Variants in KCTD8 observed in about 807,000 individuals in gnomAD.
KCTD8 encodes potassium channel tetramerization domain containing 8, also known as BTB/POZ domain-containing protein KCTD8.
Under a neutral mutation model 31.5 loss-of-function variants are expected in KCTD8, and 27 were observed. That is an observed-to-expected ratio of 0.86 (90% CI 0.63 to 1.18). The LOEUF (loss-of-function observed/expected upper bound fraction) is 1.18. Among genes scored for constraint, KCTD8 ranks in the 50% most tolerant of loss-of-function variants. The probability of loss-of-function intolerance (pLI) is 0.00; values close to 1 mark genes in which losing one functional copy is unlikely to be tolerated. For synonymous variants in KCTD8, 290 were observed against 280.0 expected (o/e 1.04, Z -0.36); for missense variants, 658 against 647.7 (o/e 1.02, Z -0.17).
chr4:44,423,268 G>C (rs1721266392), intron 1 of KCTD8, among the ~76,000 whole-genome samples: 1 of 152,034 alleles, frequency 6.6e-6, no homozygotes, highest in Non-Finnish European at 1.5e-5. Context: ...TAATAAAGTA[G>C]ACTCATTTAT....
At chr4:44,187,255 T>C (rs1290797809) in intron 1 of KCTD8, among the ~76,000 whole-genome samples, 2 of 152,232 alleles carry the variant, frequency 1.3e-5, no homozygotes, top group Non-Finnish European at 2.9e-5. Context: ...ATGCTCGTAG[T>C]AGAAAACATA....
At chr4:44,377,697 T>C (rs188359839) in intron 1 of KCTD8, among the ~76,000 whole-genome samples, 55 of 152,288 alleles carry the variant, frequency 3.6e-4, no homozygotes, top group Admixed American at 3.4e-3. Flanking sequence ...ACTGTGGGAT[T>C]TGCTCTTCAT....
At chr4:44,206,413 C>A (rs975087118) in intron 1 of KCTD8, among the ~76,000 whole-genome samples, 1 of 152,192 alleles carries the variant, frequency 6.6e-6, no homozygotes, top group Non-Finnish European at 1.5e-5. Context: ...CACATGCCCA[C>A]AGCATGTGTA....
At chr4:44,241,237 T>A (rs1715449711) in intron 1 of KCTD8, among the ~76,000 whole-genome samples, 1 of 152,240 alleles carries the variant, frequency 6.6e-6, no homozygotes, top group South Asian at 2.1e-4. Flanking sequence ...TCTGGTACAC[T>A]TCATAAAAAT....
At chr4:44,263,175 C>T (rs1716233575) in intron 1 of KCTD8, among the ~76,000 whole-genome samples, 2 of 152,092 alleles carry the variant, frequency 1.3e-5, no homozygotes, top group South Asian at 2.1e-4. Context: ...CATTTTGTCA[C>T]ATTATAGGCA....
At chr4:44,225,046 A>G (rs2109349796) in intron 1 of KCTD8, among the ~76,000 whole-genome samples, 1 of 152,328 alleles carries the variant, frequency 6.6e-6, no homozygotes, top group African/African-American at 2.4e-5. Context: ...CTACTCCCCA[A>G]CAGCAACTCC....
intron 1 of KCTD8, among the ~76,000 whole-genome samples, chr4:44,319,371 T>A (rs13134499): frequency 0.22 from 32,868 of 151,400 alleles, 3,627 homozygotes; most frequent in East Asian, 0.29. Context: ...TATTTGGCCA[T>A]GATGTCTAAA....
At chr4:44,193,314 G>A (rs991751983) in intron 1 of KCTD8, among the ~76,000 whole-genome samples, 9 of 152,228 alleles carry the variant, frequency 5.9e-5, no homozygotes, top group African/African-American at 1.9e-4. Flanking sequence ...ATTAGGAAGT[G>A]GAGGTTTAGA....
chr4:44,244,275 A>AT (rs1321338013), intron 1 of KCTD8, among the ~76,000 whole-genome samples: 1 of 151,928 alleles, frequency 6.6e-6, no homozygotes, highest in Non-Finnish European at 1.5e-5. Flanking sequence ...TCAAGCATAG[A>AT]TATTTATAGA....
chr4:44,287,573 A>C (rs2109382870), intron 1 of KCTD8, among the ~76,000 whole-genome samples: 1 of 152,312 alleles, frequency 6.6e-6, no homozygotes, highest in South Asian at 2.1e-4. Flanking sequence ...AATAATTGAA[A>C]CACTCTTCCT....
At chr4:44,176,856 T>C (rs984845134) in intron 1 of KCTD8, among the ~76,000 whole-genome samples, 1 of 143,108 alleles carries the variant, frequency 7.0e-6, no homozygotes, top group Non-Finnish European at 1.5e-5. Flanking sequence ...AGTATATATG[T>C]CTACATCTAT....
intron 1 of KCTD8, among the ~76,000 whole-genome samples, chr4:44,406,623 A>G (rs1318120618): frequency 6.6e-6 from 1 of 152,130 alleles, no homozygotes; most frequent in South Asian, 2.1e-4. Context: ...CTGCAAGAAA[A>G]CAGACTAACA....
chr4:44,380,701 G>T (rs1720042949), intron 1 of KCTD8, among the ~76,000 whole-genome samples: 2 of 151,876 alleles, frequency 1.3e-5, no homozygotes, highest in Admixed American at 1.3e-4. Context: ...ACTTTGCAGT[G>T]AATAAAGAAA....
chr4:44,334,467 T>G (rs1028612179), intron 1 of KCTD8, among the ~76,000 whole-genome samples: 1 of 152,158 alleles, frequency 6.6e-6, no homozygotes, highest in Non-Finnish European at 1.5e-5. Flanking sequence ...TTCTGAGAAT[T>G]TATTCCAAGA....
intron 1 of KCTD8, among the ~76,000 whole-genome samples, chr4:44,284,046 T>C (rs1312407816): frequency 6.6e-6 from 1 of 152,144 alleles, no homozygotes; most frequent in African/African-American, 2.4e-5. Context: ...AAAATGACCT[T>C]ACTGCCCAAA....
intron 1 of KCTD8, among the ~76,000 whole-genome samples, chr4:44,317,653 G>A (rs2109403953): frequency 6.6e-6 from 1 of 152,290 alleles, no homozygotes; most frequent in East Asian, 1.9e-4. Flanking sequence ...TTAGTGGAGT[G>A]CTAAGCATGT....
At position 44,206,219 on chromosome 4, in the gene KCTD8, C is replaced by T. The variant is rs373595350; in HGVS notation, c.962-30969G>A. 3.3e-5 allele frequency among the ~76,000 whole-genome samples: 5 copies of T among 152,210 alleles called. No homozygotes were observed. In the East Asian group the frequency reaches 7.7e-4, roughly 24 times the overall value. Reference sequence around the variant, plus strand: ...AAGTGGAGTTATCTTCGAGAATGAACTCCATCAGTTTGGACCCTAATTCAT... The same window carrying T: ...AAGTGGAGTTATCTTCGAGAATGAATTCCATCAGTTTGGACCCTAATTCAT... On this transcript the variant is annotated intron_variant, in intron 1 of 1. Transcript: ENST00000360029.
chr4:44,264,326 C>A (rs1443136925), intron 1 of KCTD8, among the ~76,000 whole-genome samples: 2 of 152,096 alleles, frequency 1.3e-5, no homozygotes, highest in Non-Finnish European at 2.9e-5. Context: ...TATGACTTAA[C>A]CATTATACAA....
At chr4:44,343,332 A>G (rs1718952372) in intron 1 of KCTD8, among the ~76,000 whole-genome samples, 2 of 152,350 alleles carry the variant, frequency 1.3e-5, no homozygotes, top group Middle Eastern at 6.8e-3. Flanking sequence ...GTCAGTCAGT[A>G]CAGCAGTTAG....
Sources: allele counts gnomAD v4.1 joint callset (sites outside exome capture counted in the v4.1 genomes callset), GRCh38; gene constraint gnomAD v4.1.1; transcripts MANE v1.5; gene names NCBI Gene and HGNC (gene_info 2026-07-23, HGNC 2026-07-21).